The following PRKCE variants were observed in gnomAD, a reference collection of about 807,000 sequenced individuals.
PRKCE encodes the protein protein kinase C epsilon.
A neutral mutation model predicts 85.4 loss-of-function variants in PRKCE; 16 were observed. The observed-to-expected ratio is 0.19, with a 90% CI of 0.13 to 0.28. PRKCE has a LOEUF of 0.28. PRKCE is among the 10% of genes least tolerant of loss of function. The pLI, the probability that PRKCE is intolerant of heterozygous loss-of-function variation, is 1.00. For synonymous variants in PRKCE, 388 were observed against 371.5 expected (o/e 1.04, Z -0.51); for missense variants, 573 against 975.2 (o/e 0.59, Z 5.49).
chr2:45,767,200 C>T (rs1244652472), intron 1 of PRKCE, among the ~76,000 whole-genome samples: 1 of 152,088 alleles, frequency 6.6e-6, no homozygotes, highest in South Asian at 2.1e-4. Flanking sequence ...TTCTCAAATA[C>T]CTCTGCTTCT....
chr2:45,667,408 A>C (rs1675967703), intron 1 of PRKCE, among the ~76,000 whole-genome samples: 2 of 152,278 alleles, frequency 1.3e-5, no homozygotes, highest in South Asian at 4.1e-4. Context: ...TCGGCCTCCC[A>C]AAGTGCTGGG....
chr2:45,840,208 C>T (rs1236819995), intron 1 of PRKCE, among the ~76,000 whole-genome samples: 1 of 152,126 alleles, frequency 6.6e-6, no homozygotes. Flanking sequence ...TTCATTTTGC[C>T]GGCAGGGTTT....
At chr2:45,985,548 G>C (rs986904484) in intron 6 of PRKCE, among the ~76,000 whole-genome samples, 1 of 152,120 alleles carries the variant, frequency 6.6e-6, no homozygotes, top group East Asian at 1.9e-4. Context: ...AGAAAAATTA[G>C]AAGAATATAA....
intron 10 of PRKCE, among the ~76,000 whole-genome samples, chr2:46,039,626 G>C (rs1034364524): frequency 1.3e-5 from 2 of 151,972 alleles, no homozygotes; most frequent in Non-Finnish European, 2.9e-5. Flanking sequence ...TTGCTCCCAG[G>C]GTCTAAGTTA....
intron 2 of PRKCE, among the ~76,000 whole-genome samples, chr2:45,893,174 T>C (rs80260712): frequency 0.014 from 2,160 of 152,090 alleles, 18 homozygotes; most frequent in Non-Finnish European, 0.022. Context: ...GTTGAGTAGT[T>C]TGGTGGAAAG....
At chr2:45,912,051 G>T (rs930682159) in intron 2 of PRKCE, among the ~76,000 whole-genome samples, 1 of 152,066 alleles carries the variant, frequency 6.6e-6, no homozygotes, top group Non-Finnish European at 1.5e-5. Flanking sequence ...ACGCATTCTG[G>T]TAGTGGAGTT....
rs149228694 is a variant in PRKCE at position 45,666,331 on chromosome 2, G to A, written c.348+13883G>A. Reference sequence around the variant, plus strand: ...GGATCATGGCACTAAATACCCTTCCGGTTGCTCAGAACCCACCATTGTCTC... The same window carrying A: ...GGATCATGGCACTAAATACCCTTCCAGTTGCTCAGAACCCACCATTGTCTC... On this transcript the variant is annotated intron_variant, in intron 1 of 14. Coordinates refer to ENST00000306156, the MANE Select transcript of PRKCE (RefSeq NM_005400.3). Among the ~76,000 whole-genome samples the A allele has an allele frequency of 5.0e-4, 76 of 151,920 alleles. 1 individual carries two copies. The East Asian group carries it at 7.2e-3, about 14-fold the overall frequency.
Position 46,185,081 on chromosome 2 carries a change from C to T in PRKCE, c.*200C>T. The T allele has an allele frequency of 1.5e-6, 1 of 646,662 alleles. No individual in the cohort carries two copies. The highest frequency in any genetic ancestry group is 2.6e-6 in the Non-Finnish European group (1 of 383,122). The allele number at this position is 646,662 out of a possible 1,614,324, so 40.1% of individuals were successfully genotyped here. ...TGGTGACCAGAAGGCGCTCTCGGTT[C>T]TTGTCTCACCAGTAATGCAGACTCA... is the stretch of plus-strand genomic sequence containing the variant. On this transcript the variant is annotated 3_prime_UTR_variant, in exon 15 of 15. Transcript: ENST00000306156. This position sits in a 1 kb window ranked among gnomAD's most constrained non-coding sequence, Gnocchi z 4.7.
chr2:45,990,473 G>A (rs887350868), intron 6 of PRKCE, among the ~76,000 whole-genome samples: 2 of 152,146 alleles, frequency 1.3e-5, no homozygotes, highest in African/African-American at 4.8e-5. Context: ...CAGCTTAGGG[G>A]CTGCCTGGCA....
intron 2 of PRKCE, among the ~76,000 whole-genome samples, chr2:45,868,949 T>G (rs905071292): frequency 7.9e-6 from 1 of 127,112 alleles, no homozygotes; most frequent in Non-Finnish European, 1.6e-5. Context: ...CAGAGCAACA[T>G]CCTGTCTCAA....
At position 45,694,651 on chromosome 2, in the gene PRKCE, G is replaced by T. The variant is rs531507162; in HGVS notation, c.348+42203G>T. 7.2e-5 allele frequency among the ~76,000 whole-genome samples: 11 copies of T among 152,354 alleles called. No homozygotes were observed. The South Asian group carries it at 2.1e-3, about 29-fold the overall frequency. ...ATGTTGGTTAGAGTGGCTGAGAAAG[G>T]TTCAGGGAGGACATGAGTGAGACTT... On this transcript the variant is annotated intron_variant, in intron 1 of 14. Coordinates refer to ENST00000306156, the MANE Select transcript of PRKCE (RefSeq NM_005400.3).
chr2:45,802,114 C>T (rs950734879), intron 1 of PRKCE, among the ~76,000 whole-genome samples: 11 of 145,440 alleles, frequency 7.6e-5, no homozygotes, highest in African/African-American at 2.8e-4. Flanking sequence ...CACCCAAAAA[C>T]TTAGCAGGGT....
chr2:45,706,957 G>A (rs556608050), intron 1 of PRKCE, among the ~76,000 whole-genome samples: 22 of 152,172 alleles, frequency 1.4e-4, no homozygotes, highest in Admixed American at 7.9e-4. Context: ...ACATGAACTG[G>A]TTTTGCTTTT....
chr2:46,152,514 G>C (rs187397448), intron 13 of PRKCE, among the ~76,000 whole-genome samples: 1 of 151,704 alleles, frequency 6.6e-6, no homozygotes, highest in East Asian at 1.9e-4. Context: ...TACCATTATC[G>C]TAGGTAGAAA....
At chr2:45,683,179 A>G (rs916116819) in intron 1 of PRKCE, among the ~76,000 whole-genome samples, 6 of 152,192 alleles carry the variant, frequency 3.9e-5, no homozygotes, top group African/African-American at 1.4e-4. Flanking sequence ...TGATATTCCT[A>G]TCACCGCAGA....
chr2:46,058,395 C>A (rs901064074), intron 10 of PRKCE, among the ~76,000 whole-genome samples: 2 of 152,194 alleles, frequency 1.3e-5, no homozygotes, highest in African/African-American at 4.8e-5. Flanking sequence ...CGTCATGTTC[C>A]CAAAGGAACT....
At chr2:45,953,738 C>T (rs147914638) in intron 2 of PRKCE, among the ~76,000 whole-genome samples, 79 of 152,144 alleles carry the variant, frequency 5.2e-4, no homozygotes, top group Non-Finnish European at 9.7e-4. Flanking sequence ...TGCCTGGGCT[C>T]CCCCCGAAGA....
intron 10 of PRKCE, chr2:46,010,843 T>A: frequency 6.5e-7 from 1 of 1,539,064 alleles, no homozygotes; most frequent in Non-Finnish European, 8.7e-7. Flanking sequence ...CCTAACTTTC[T>A]ATCACTAATC....
At chr2:45,958,948 G>T (rs981038544) in intron 2 of PRKCE, among the ~76,000 whole-genome samples, 2 of 146,722 alleles carry the variant, frequency 1.4e-5, no homozygotes, top group African/African-American at 5.0e-5. Flanking sequence ...AGGTCTTCAG[G>T]CTAGCTATTA....
Sources: allele counts gnomAD v4.1 joint callset (sites outside exome capture counted in the v4.1 genomes callset), GRCh38; gene constraint gnomAD v4.1.1; non-coding constraint Gnocchi (gnomAD v3.1); transcripts MANE v1.5; gene names NCBI Gene and HGNC (gene_info 2026-07-23, HGNC 2026-07-21).